DNAH11: variants seen among roughly 807,000 people sequenced by gnomAD.
DNAH11 encodes axonemal beta dynein heavy chain 11.
A neutral mutation model predicts 526.0 loss-of-function variants in DNAH11; 442 were observed. The ratio of observed to expected loss-of-function variants is 0.84; its 90% CI spans 0.78 to 0.91. The LOEUF (loss-of-function observed/expected upper bound fraction) is 0.91, where lower values mean the gene tolerates loss of function less well. DNAH11 is among the 40% of genes least tolerant of loss of function. The pLI is 0.00. For synonymous variants in DNAH11, 2,461 were observed against 1,935.9 expected, an observed-to-expected ratio of 1.27 and a Z score of -7.12; for missense variants, 6,989 against 5,448.7, an observed-to-expected ratio of 1.28 and a Z score of -8.90.
chr7:21,640,235 A>G (rs1322867024), intron 28 of DNAH11, among the ~76,000 whole-genome samples: 1 of 152,180 alleles, frequency 6.6e-6, no homozygotes, highest in South Asian at 2.1e-4. Flanking sequence ...TCTTTTACAT[A>G]CTTATTAGCA....
intron 65 of DNAH11, among the ~76,000 whole-genome samples, chr7:21,828,354 T>C (rs1251921073): frequency 6.6e-6 from 1 of 152,218 alleles, no homozygotes; most frequent in Non-Finnish European, 1.5e-5. Context: ...TCTCCTATAA[T>C]AGACTTCAGC....
intron 74 of DNAH11, among the ~76,000 whole-genome samples, chr7:21,878,341 A>G (rs1407402707): frequency 6.6e-6 from 1 of 152,236 alleles, no homozygotes; most frequent in Non-Finnish European, 1.5e-5. Flanking sequence ...TAATGTACTT[A>G]GTTATTATAG....
chr7:21,601,621 A>G lies in DNAH11; in HGVS notation c.3648+3A>G. The G allele has an allele frequency of 6.4e-7, 1 of 1,561,272 alleles. No individual in the cohort carries two copies. The highest frequency in any genetic ancestry group is 8.7e-7 in the Non-Finnish European group (1 of 1,149,582). On this transcript the variant is annotated splice_donor_region_variant and intron_variant, in intron 18 of 81. Coordinates refer to ENST00000409508, the MANE Select transcript of DNAH11 (RefSeq NM_001277115.2). Reference sequence around the variant, plus strand: ...AGCAGGTCTATATTCAGCTAGAGGTAAGTGCAGAGGTGAAATAATCATAAT... The same window carrying G: ...AGCAGGTCTATATTCAGCTAGAGGTGAGTGCAGAGGTGAAATAATCATAAT...
intron 30 of DNAH11, among the ~76,000 whole-genome samples, chr7:21,666,747 G>A (rs1224678316): frequency 6.7e-6 from 1 of 148,942 alleles, no homozygotes; most frequent in African/African-American, 2.5e-5. Flanking sequence ...GTGTATATTG[G>A]ACACAAGTAT....
rs760300141 is a variant in DNAH11, at chr7:21,601,098, C to A, written c.3344C>A (p.Pro1115His). The A allele has an allele frequency of 6.2e-7, 1 of 1,610,388 alleles. No individual in the cohort carries two copies. The highest frequency in any genetic ancestry group is 2.2e-5 in the East Asian group (1 of 44,854). The change falls in exon 17 of 82, where the codon CCT becomes CAT. Residue 1115 changes from proline to histidine, a missense_variant. By Grantham distance (77) the Pro-to-His change is moderately conservative (BLOSUM62 -2). Transcript: ENST00000409508. ...FDSWFKVDMK[P>H]FKVSLLTIIK... ...AGTTGGTTCAAGGTGGACATGAAGCCTTTCAAAGTGAGCTTGTTAACCATA... is the reference window on the plus strand; with the variant it reads ...AGTTGGTTCAAGGTGGACATGAAGCATTTCAAAGTGAGCTTGTTAACCATA...
chr7:21,724,728 C>G (rs1785015844), intron 44 of DNAH11, among the ~76,000 whole-genome samples: 1 of 150,300 alleles, frequency 6.7e-6, no homozygotes, highest in African/African-American at 2.4e-5. Context: ...GCCAGGTCAT[C>G]CTATGAATAT....
intron 65 of DNAH11, among the ~76,000 whole-genome samples, chr7:21,821,469 A>G (rs1286251009): frequency 6.6e-6 from 1 of 152,170 alleles, no homozygotes; most frequent in African/African-American, 2.4e-5. Context: ...CATGAGAAAA[A>G]TGGGGACCCA....
Position 21,852,487 on chromosome 7 carries a change from A to G in DNAH11, c.10917A>G (p.Gln3639=), listed in dbSNP as rs775239040. 3.7e-6 allele frequency: 6 copies of G among 1,613,670 alleles called. No individual in the cohort carries two copies. The highest frequency in any genetic ancestry group is 5.1e-6 in the Non-Finnish European group (6 of 1,179,760). Residue 3639 remains glutamine, a synonymous_variant, in exon 67 of 82, where the codon CAA becomes CAG. Coordinates refer to ENST00000409508, the MANE Select transcript of DNAH11 (RefSeq NM_001277115.2). ...EKLKLVLTKH[Q]NDFKIELKYL... is the part of the protein sequence containing the mutation. ...ATTAGTTGGTATTGACAAAGCACCA[A>G]AATGATTTTAAAATTGAGCTCAAGT...
intron 28 of DNAH11, 107 bp from the exon 29 acceptor site, chr7:21,655,725 A>C (rs1035331693): frequency 2.6e-6 from 3 of 1,146,090 alleles, no homozygotes; most frequent in Non-Finnish European, 3.6e-6. Context: ...TTTTGAGACA[A>C]CTCTAACTCC....
intron 42 of DNAH11, among the ~76,000 whole-genome samples, chr7:21,715,292 T>C (rs1784611069): frequency 6.6e-6 from 1 of 152,220 alleles, no homozygotes; most frequent in South Asian, 2.1e-4. Flanking sequence ...CTAGAAAGTT[T>C]AGAAACCACG....
At chr7:21,621,135 G>A (rs900166483) in intron 25 of DNAH11, among the ~76,000 whole-genome samples, 9 of 152,040 alleles carry the variant, frequency 5.9e-5, no homozygotes, top group East Asian at 1.9e-4. Flanking sequence ...CTGAGGAATC[G>A]CCACACTGAC....
intron 25 of DNAH11, among the ~76,000 whole-genome samples, chr7:21,623,871 C>T (rs997947148): frequency 1.3e-4 from 20 of 151,242 alleles, no homozygotes; most frequent in East Asian, 1.9e-4. Flanking sequence ...TGCTAAATGA[C>T]GAGTTAATGG....
chr7:21,627,651 G>A (rs1309822889), intron 25 of DNAH11, among the ~76,000 whole-genome samples: 1 of 152,056 alleles, frequency 6.6e-6, no homozygotes, highest in Non-Finnish European at 1.5e-5. Context: ...CTGTTATTAT[G>A]CCAGTACTAT....
At chr7:21,889,681 C>G (rs368303599) in intron 76 of DNAH11, among the ~76,000 whole-genome samples, 1 of 152,134 alleles carries the variant, frequency 6.6e-6, no homozygotes, top group Non-Finnish European at 1.5e-5. Context: ...TTCTCATTGG[C>G]CATTTGTGTA....
chr7:21,866,639 C>T lies in DNAH11; in HGVS notation c.11666C>T (p.Pro3889Leu). 6.2e-7 allele frequency: 1 copy of T among 1,613,212 alleles called. No individual in the cohort carries two copies. Among genetic ancestry groups the T allele is most frequent in the Non-Finnish European group, 8.5e-7 (1 of 1,179,524 alleles). ...QKLILLRAMR[P>L]DRMTYALRNF... ...CTGATTCTTCTGAGAGCAATGCGCC[C>T]TGACAGAATGACGTATGCTCTCAGG... is the stretch of plus-strand genomic sequence containing the variant. Residue 3889 changes from proline to leucine, a missense_variant, in exon 71 of 82, where the codon CCT becomes CTT. Physicochemically the swap from Pro to Leu is moderately conservative, Grantham distance 98. Coordinates refer to ENST00000409508, the MANE Select transcript of DNAH11 (RefSeq NM_001277115.2).
In DNAH11 at chr7:21,589,231, C is replaced by G. The variant is rs368059592; in HGVS notation, c.1997C>G (p.Ala666Gly). 38 of 1,608,308 alleles carry G rather than the reference C, an allele frequency of 2.4e-5. No homozygotes were observed. The Middle Eastern group carries it at 6.6e-4, about 28-fold the overall frequency. Reference protein sequence around the residue: ...RYLFLGNPDHALVYQKYVEMT... With the variant: ...RYLFLGNPDHGLVYQKYVEMT... ...AGATTTTTGGGCAATCCTGATCACG[C>G]TTTAGTTTATCAAAAGTATGTTGAA... The change falls in exon 12 of 82, where the codon GCT becomes GGT. Residue 666 changes from alanine to glycine, a missense_variant. Transcript: ENST00000409508.
intron 65 of DNAH11, among the ~76,000 whole-genome samples, chr7:21,840,425 A>G (rs1467644852): frequency 6.6e-6 from 1 of 152,212 alleles, no homozygotes; most frequent in Non-Finnish European, 1.5e-5. Context: ...TATTTTATAC[A>G]CTTAATAATG....
At chr7:21,675,693 C>T (rs1056212260) in intron 30 of DNAH11, among the ~76,000 whole-genome samples, 2 of 152,104 alleles carry the variant, frequency 1.3e-5, no homozygotes, top group East Asian at 1.9e-4. Flanking sequence ...GTTCCTACAG[C>T]GAGTGTTGAT....
chr7:21,647,510 G>C (rs1164577024), intron 28 of DNAH11, among the ~76,000 whole-genome samples: 2 of 146,572 alleles, frequency 1.4e-5, no homozygotes, highest in African/African-American at 5.0e-5. Context: ...GCTCACTGCA[G>C]GCTCCGCCTC....
Sources: allele counts gnomAD v4.1 joint callset (sites outside exome capture counted in the v4.1 genomes callset), GRCh38; gene constraint gnomAD v4.1.1; transcripts MANE v1.5; gene names NCBI Gene and HGNC (gene_info 2026-07-23, HGNC 2026-07-21).